C19orf47: variants seen among roughly 807,000 people sequenced by gnomAD.
C19orf47 encodes uncharacterized protein C19orf47.
C19orf47 carries 18 observed loss-of-function variants against 32.3 expected under a neutral mutation model. The observed-to-expected ratio is 0.56, with a 90% CI of 0.39 to 0.83. The LOEUF is 0.83. Ranked by LOEUF, C19orf47 falls within the 40% of genes least tolerant of loss-of-function variation. C19orf47 has a pLI of 0.00. For missense variants in C19orf47, 484 were observed against 531.6 expected (o/e 0.91, Z 0.88); for synonymous variants, 202 against 211.1 (o/e 0.96, Z 0.37).
rs930003977 is a variant in C19orf47 at position 40,328,444 on chromosome 19, G to A, written c.408C>T (p.Asn136=). ...CCTTGGCACTCTTTGCTGCCATCTTGTTGGACACAGTGACCGAGATCTTGG... is the reference window on the plus strand; with the variant it reads ...CCTTGGCACTCTTTGCTGCCATCTTATTGGACACAGTGACCGAGATCTTGG... ...STSKISVTVS[N]KMAAKSAKAT... is the part of the protein sequence containing the mutation. Residue 136 remains asparagine, a synonymous_variant, in exon 6 of 9, where the codon AAC becomes AAT. Coordinates refer to ENST00000683109, the MANE Select transcript of C19orf47 (RefSeq NM_001256441.2). 2 of 1,612,840 alleles carry A rather than the reference G, an allele frequency of 1.2e-6. No homozygotes were observed. Among genetic ancestry groups the A allele is most frequent in the Non-Finnish European group, 1.7e-6 (2 of 1,179,458 alleles).
chr19:40,307,085 G>T, the C19orf47 span, among the ~76,000 whole-genome samples: 1 of 139,608 alleles, frequency 7.2e-6, no homozygotes, highest in Non-Finnish European at 1.5e-5. Context: ...CACCGCGCCC[G>T]GCCCTTTTTT....
chr19:40,348,412 G>A (rs1276983593), upstream of C19orf47: 1 of 1,488,788 alleles, frequency 6.7e-7, no homozygotes, highest in East Asian at 2.8e-5. Flanking sequence ...GGCCCGGGCT[G>A]CCCGCCCCGG....
chr19:40,320,385 C>G lies in C19orf47; in HGVS notation c.*1497G>C, dbSNP rs1041442098. ...CCCCAGCCACCTAGCCCCTGCCCAC[C>G]CACCTCTGCCTCATGCTGGAGGCAG... On this transcript the variant is annotated 3_prime_UTR_variant, in exon 9 of 9. Coordinates refer to ENST00000683109, the MANE Select transcript of C19orf47 (RefSeq NM_001256441.2). 1 of 155,316 alleles carries G rather than the reference C, an allele frequency of 6.4e-6. No homozygotes were observed. The highest frequency in any genetic ancestry group is 2.4e-5 in the African/African-American group (1 of 41,468). The allele number at this position is 155,316 out of a possible 1,614,324, so 9.6% of individuals were successfully genotyped here.
the C19orf47 span, among the ~76,000 whole-genome samples, chr19:40,306,403 T>A: frequency 6.6e-6 from 1 of 151,868 alleles, no homozygotes; most frequent in Non-Finnish European, 1.5e-5. Flanking sequence ...GTACTCTTGT[T>A]ACTTTTTTTT....
Position 40,345,673 on chromosome 19 carries a change from C to G in C19orf47, c.-34+2651G>C, listed in dbSNP as rs559758890. On this transcript the variant is annotated intron_variant, in intron 1 of 8. Coordinates refer to ENST00000683109, the MANE Select transcript of C19orf47 (RefSeq NM_001256441.2). The stretch of plus-strand genomic sequence containing the variant: ...CCTGGCCAATATGGTGAAACCCCAT[C>G]TCTACTAAAAATACAAAAATTAGCC... Among the ~76,000 whole-genome samples, 16 of 150,548 alleles carry G rather than the reference C, an allele frequency of 1.1e-4. No homozygotes were observed. In the South Asian group the frequency reaches 3.4e-3, roughly 32 times the overall value.
chr19:40,323,939 G>A, intron 8 of C19orf47, 67 bp downstream of exon 8: 1 of 1,583,696 alleles, frequency 6.3e-7, no homozygotes, highest in Non-Finnish European at 8.7e-7. Context: ...GTGTTAAAGA[G>A]TCAGGAGCAC....
the C19orf47 span, among the ~76,000 whole-genome samples, chr19:40,306,161 AAAAAAAAAAAAAAGG>A: frequency 6.6e-6 from 1 of 151,442 alleles, no homozygotes; most frequent in Non-Finnish European, 1.5e-5. Flanking sequence ...CAAAAAAAAA[AAAAAAAAAAAAAAGG>A]AAAGAGAATG....
rs940198388 is a variant in C19orf47, at chr19:40,321,285, G to A, written c.*597C>T. ...TCTCAACAGGCTCGACGCCACCGCC[G>A]ACGAGGGGGCCGCTGGGAGGCCGGA... On this transcript the variant is annotated 3_prime_UTR_variant, in exon 9 of 9. Coordinates refer to ENST00000683109, the MANE Select transcript of C19orf47 (RefSeq NM_001256441.2). The A allele has an allele frequency of 1.2e-5, 12 of 986,480 alleles. No individual in the cohort carries two copies. The highest frequency in any genetic ancestry group is 1.3e-5 in the Non-Finnish European group (11 of 830,200). 61.1% of individuals were successfully genotyped at this position (986,480 alleles called of 1,614,324 possible).
At chr19:40,303,317 A>T in the C19orf47 span, among the ~76,000 whole-genome samples, 2 of 148,250 alleles carry the variant, frequency 1.3e-5, no homozygotes, top group African/African-American at 5.0e-5. Context: ...AGGTCAGAAG[A>T]TCGAGACCAT....
intron 1 of C19orf47, among the ~76,000 whole-genome samples, chr19:40,344,322 T>G (rs1057219922): frequency 3.3e-5 from 5 of 151,278 alleles, no homozygotes; most frequent in Non-Finnish European, 7.4e-5. Flanking sequence ...CTACTAAAAA[T>G]ACAAAAATTA....
At chr19:40,324,167 G>C in intron 7 of C19orf47, 91 bp from the exon 8 acceptor site, 2 of 1,236,636 alleles carry the variant, frequency 1.6e-6, no homozygotes, top group Non-Finnish European at 2.4e-6. Context: ...CCAGACACCA[G>C]TAGCTCTGGG....
Position 40,331,589 on chromosome 19 carries a change from G to GATA in C19orf47, c.301+2261_301+2262insTAT, listed in dbSNP as rs1475593520. On this transcript the variant is annotated intron_variant, in intron 5 of 8. Coordinates refer to ENST00000683109, the MANE Select transcript of C19orf47 (RefSeq NM_001256441.2). ...GGACTTTGAGGCTACAGTGAGCTAT[G>GATA]ACTGCACCACTACACTCCAGCCTGG... is the stretch of plus-strand genomic sequence containing the variant. Among the ~76,000 whole-genome samples, 3 of 151,816 alleles carry GATA rather than the reference G, an allele frequency of 2.0e-5. No homozygotes were observed. In the East Asian group the frequency reaches 5.8e-4, roughly 29 times the overall value.
Position 40,321,091 on chromosome 19 carries a change from A to G in C19orf47, c.*791T>C. On this transcript the variant is annotated 3_prime_UTR_variant, in exon 9 of 9. Transcript: ENST00000683109. ...GAAAGTCACAAAAATATATTAAAAC[A>G]GCAGCTGTCTTCACTCTAGGCACTG... 3.7e-6 allele frequency: 1 copy of G among 273,518 alleles called. No homozygotes were observed. Among genetic ancestry groups the G allele is most frequent in the Non-Finnish European group, 5.6e-6 (1 of 177,724 alleles). The allele number at this position is 273,518 out of a possible 1,614,324, so 16.9% of individuals were successfully genotyped here.
the C19orf47 span, among the ~76,000 whole-genome samples, chr19:40,293,071 T>G: frequency 2.3e-3 from 348 of 152,272 alleles, no homozygotes; most frequent in African/African-American, 7.5e-3. Context: ...GGATGCTATA[T>G]GATAAGCTTC....
At chr19:40,326,628 C>T (rs984337279) in intron 6 of C19orf47, 142 bp from the exon 7 acceptor site, 4 of 1,064,256 alleles carry the variant, frequency 3.8e-6, no homozygotes, top group Non-Finnish European at 5.3e-6. Flanking sequence ...TCACCACTGA[C>T]CGAACCACAG....
chr19:40,311,595 T>C, the C19orf47 span, among the ~76,000 whole-genome samples: 1 of 152,054 alleles, frequency 6.6e-6, no homozygotes, highest in South Asian at 2.1e-4. Flanking sequence ...AGCCCCACTG[T>C]CTTACCCCAC....
downstream of C19orf47, among the ~76,000 whole-genome samples, chr19:40,317,582 G>A (rs528998807): frequency 8.7e-4 from 133 of 152,222 alleles, no homozygotes; most frequent in Middle Eastern, 6.8e-3. Context: ...GGAGGTGGAG[G>A]CGGCATCGGC....
In C19orf47 at chr19:40,322,480, A is replaced by G. The variant is rs571398748; in HGVS notation, c.664-104T>C. ...TGGCCTCCTGGGACTCACAGTTGGG[A>G]GAAACACCCATCACTGACACCCCAG... On this transcript the variant is annotated intron_variant, in intron 8 of 8. Coordinates refer to ENST00000683109, the MANE Select transcript of C19orf47 (RefSeq NM_001256441.2). The G allele has an allele frequency of 6.8e-6, 9 of 1,326,256 alleles. No individual in the cohort carries two copies. The South Asian group carries it at 1.1e-4, about 16-fold the overall frequency. The allele number at this position is 1,326,256 out of a possible 1,614,324, so 82.2% of individuals were successfully genotyped here.
At chr19:40,308,197 C>T in the C19orf47 span, among the ~76,000 whole-genome samples, 1 of 152,142 alleles carries the variant, frequency 6.6e-6, no homozygotes, top group Non-Finnish European at 1.5e-5. Flanking sequence ...CACTCTGTCG[C>T]CAGGCTGGAG....
Sources: gnomAD v4.1 joint callset for allele counts (sites outside exome capture counted in the v4.1 genomes callset) on GRCh38, gnomAD v4.1.1 for gene constraint, MANE v1.5 for transcripts, NCBI Gene and HGNC (gene_info 2026-07-23, HGNC 2026-07-21) for gene names.